The following CABCOCO1 variants were observed in gnomAD, a reference collection of about 807,000 sequenced individuals.
The protein encoded by CABCOCO1 is ciliary associated calcium binding coiled-coil 1.
In CABCOCO1, 28 loss-of-function variants were observed where a neutral mutation model predicts 35.7. The observed-to-expected ratio is 0.78, with a 90% CI of 0.58 to 1.07. The LOEUF is 1.07. Ranked by LOEUF, CABCOCO1 falls within the 50% of genes least tolerant of loss-of-function variation. The probability of loss-of-function intolerance (pLI) is 0.00; values close to 1 mark genes in which losing one functional copy is unlikely to be tolerated. For synonymous variants in CABCOCO1, 95 were observed against 100.1 expected (o/e 0.95, Z 0.30); for missense variants, 326 against 309.2 (o/e 1.05, Z -0.41).
At position 61,766,020 on chromosome 10, in the gene CABCOCO1, G is replaced by C. The variant is rs1842101703; in HGVS notation, c.*7G>C. ...AAAATTGAAAAAGGCCTAAGGACTT[G>C]GTACAAGGAGAGTGATGCTAAACTT... On this transcript the variant is annotated 3_prime_UTR_variant, in exon 8 of 8. Coordinates refer to ENST00000648843, the MANE Select transcript of CABCOCO1 (RefSeq NM_001366906.2). The C allele has an allele frequency of 6.2e-7, 1 of 1,607,230 alleles. No individual in the cohort carries two copies.
chr10:61,677,662 G>A (rs1434101024), intron 2 of CABCOCO1, among the ~76,000 whole-genome samples: 2 of 151,558 alleles, frequency 1.3e-5, no homozygotes, highest in Admixed American at 6.6e-5. Context: ...ATCATTTAAC[G>A]TTAGGTCTAC....
At chr10:61,713,057 T>C (rs10994893) in intron 5 of CABCOCO1, among the ~76,000 whole-genome samples, 83,785 of 152,036 alleles carry the variant, frequency 0.55, 23,919 homozygotes, top group Admixed American at 0.68. Flanking sequence ...TCATTGGTAG[T>C]TTGATGGGGA....
chr10:61,688,545 G>A (rs1031851939), intron 4 of CABCOCO1, among the ~76,000 whole-genome samples: 2 of 152,112 alleles, frequency 1.3e-5, no homozygotes, highest in Admixed American at 6.6e-5. Flanking sequence ...TACTTCTGCA[G>A]CTTTTTAGTA....
chr10:61,682,016 G>A (rs995416433), intron 3 of CABCOCO1, among the ~76,000 whole-genome samples: 2 of 152,118 alleles, frequency 1.3e-5, no homozygotes, highest in South Asian at 2.1e-4. Context: ...AATTTTAAAA[G>A]AGAATATGTA....
intron 5 of CABCOCO1, among the ~76,000 whole-genome samples, chr10:61,746,844 T>C (rs950662921): frequency 1.3e-5 from 2 of 152,134 alleles, no homozygotes; most frequent in Non-Finnish European, 2.9e-5. Flanking sequence ...TCATGTCTTA[T>C]CTCTGCAAAC....
intron 1 of CABCOCO1, among the ~76,000 whole-genome samples, chr10:61,671,303 T>C (rs1286931907): frequency 6.6e-6 from 1 of 150,908 alleles, no homozygotes; most frequent in Non-Finnish European, 1.5e-5. Context: ...TCAGCCTGGG[T>C]GACAGAGTGA....
At chr10:61,695,670 T>A (rs1840275122) in intron 5 of CABCOCO1, among the ~76,000 whole-genome samples, 1 of 152,016 alleles carries the variant, frequency 6.6e-6, no homozygotes, top group African/African-American at 2.4e-5. Flanking sequence ...GCAATAAGAC[T>A]GACAGTCAAC....
chr10:61,760,314 A>C, intron 6 of CABCOCO1, 133 bp downstream of exon 6: 1 of 1,255,042 alleles, frequency 8.0e-7, no homozygotes, highest in East Asian at 2.4e-5. Flanking sequence ...ATATTTCTCT[A>C]AGTGTTGATT....
intron 7 of CABCOCO1, among the ~76,000 whole-genome samples, chr10:61,764,665 G>A (rs1393005301): frequency 6.6e-6 from 1 of 151,934 alleles, no homozygotes; most frequent in South Asian, 2.1e-4. Context: ...GAGTTCCTCT[G>A]TGACCTGGAG....
At chr10:61,760,358 T>A (rs377300945) in intron 6 of CABCOCO1, among the ~76,000 whole-genome samples, 177 bp downstream of exon 6, 6 of 152,004 alleles carry the variant, frequency 3.9e-5, no homozygotes, top group African/African-American at 1.4e-4. Flanking sequence ...GTTCAGCAAT[T>A]TTAATCTTTT....
chr10:61,692,149 G>A (rs1174734611), intron 5 of CABCOCO1, among the ~76,000 whole-genome samples: 1 of 152,086 alleles, frequency 6.6e-6, no homozygotes, highest in Non-Finnish European at 1.5e-5. Flanking sequence ...ATCCTCTCCA[G>A]CATCTGTTGT....
chr10:61,675,496 A>G (rs1281196888), intron 2 of CABCOCO1, among the ~76,000 whole-genome samples: 4 of 152,216 alleles, frequency 2.6e-5, no homozygotes, highest in Non-Finnish European at 5.9e-5. Context: ...TTTCACCAAA[A>G]TATTTTTTGG....
intron 5 of CABCOCO1, among the ~76,000 whole-genome samples, chr10:61,692,437 G>C (rs922153558): frequency 6.6e-6 from 1 of 152,100 alleles, no homozygotes; most frequent in Non-Finnish European, 1.5e-5. Flanking sequence ...TAGTGCTTCT[G>C]TAGGTCCACA....
chr10:61,686,596 A>T (rs1179206015), intron 4 of CABCOCO1, among the ~76,000 whole-genome samples: 1 of 152,190 alleles, frequency 6.6e-6, no homozygotes, highest in African/African-American at 2.4e-5. Flanking sequence ...CTAATTCTAC[A>T]TTTTGAAGAG....
At chr10:61,710,656 T>C (rs1226304421) in intron 5 of CABCOCO1, among the ~76,000 whole-genome samples, 1 of 151,878 alleles carries the variant, frequency 6.6e-6, no homozygotes, top group Non-Finnish European at 1.5e-5. Flanking sequence ...TTTTTTAAAG[T>C]AAGTTTGAAG....
At chr10:61,666,637 A>C (rs73287747) in intron 1 of CABCOCO1, among the ~76,000 whole-genome samples, 4,356 of 152,120 alleles carry the variant, frequency 0.029, 228 homozygotes, top group African/African-American at 0.1. Flanking sequence ...TAGTCTTCAA[A>C]ATTTTTCTAA....
chr10:61,699,081 C>G (rs1433903935), intron 5 of CABCOCO1, among the ~76,000 whole-genome samples: 1 of 152,138 alleles, frequency 6.6e-6, no homozygotes, highest in South Asian at 2.1e-4. Flanking sequence ...ATCATACAGG[C>G]CATAATTTGT....
intron 5 of CABCOCO1, among the ~76,000 whole-genome samples, chr10:61,747,175 C>A (rs1400350860): frequency 6.6e-6 from 1 of 152,026 alleles, no homozygotes; most frequent in Non-Finnish European, 1.5e-5. Context: ...TGAAATTATT[C>A]ACCAATAAGT....
intron 5 of CABCOCO1, among the ~76,000 whole-genome samples, chr10:61,702,510 A>G (rs1840484387): frequency 6.6e-6 from 1 of 152,254 alleles, no homozygotes. Context: ...CCATAAATAT[A>G]TAGCTGGCTC....
Sources: allele counts gnomAD v4.1 joint callset (sites outside exome capture counted in the v4.1 genomes callset), GRCh38; gene constraint gnomAD v4.1.1; transcripts MANE v1.5; gene names NCBI Gene and HGNC (gene_info 2026-07-23, HGNC 2026-07-21).